SCHIP1: variants seen among roughly 807,000 people sequenced by gnomAD.
The protein encoded by SCHIP1 is schwannomin interacting protein 1.
A neutral mutation model predicts 29.7 loss-of-function variants in SCHIP1; 8 were observed. The observed-to-expected ratio is 0.27, with a 90% CI of 0.16 to 0.49. The LOEUF (loss-of-function observed/expected upper bound fraction) is 0.49, where lower values mean the gene tolerates loss of function less well. Among genes scored for constraint, SCHIP1 ranks in the 20% least tolerant of loss-of-function variants. The pLI is 0.99. For missense variants in SCHIP1, 193 were observed against 294.6 expected (o/e 0.66, Z 2.52); for synonymous variants, 76 against 94.9 (o/e 0.80, Z 1.16).
the SCHIP1 span, among the ~76,000 whole-genome samples, chr3:159,342,024 G>T: frequency 6.6e-6 from 1 of 152,178 alleles, no homozygotes; most frequent in African/African-American, 2.4e-5. Flanking sequence ...TCTATTGGGA[G>T]TACATGAGTG....
At chr3:159,775,017 C>T in the SCHIP1 span, among the ~76,000 whole-genome samples, 6 of 152,024 alleles carry the variant, frequency 3.9e-5, no homozygotes, top group Non-Finnish European at 2.9e-5. Context: ...AGTGACTGTG[C>T]ATCTTTCTTC....
chr3:159,347,686 T>A, the SCHIP1 span, among the ~76,000 whole-genome samples: 1 of 152,188 alleles, frequency 6.6e-6, no homozygotes, highest in Non-Finnish European at 1.5e-5. Context: ...CTCCAGGTTT[T>A]TTGGACCTCT....
the SCHIP1 span, among the ~76,000 whole-genome samples, chr3:159,416,539 A>G: frequency 6.6e-6 from 1 of 152,178 alleles, no homozygotes; most frequent in South Asian, 2.1e-4. Context: ...TTTGTTGTTC[A>G]TACTTTCTTG....
the SCHIP1 span, among the ~76,000 whole-genome samples, chr3:159,760,977 G>A: frequency 4.1e-4 from 62 of 152,334 alleles, no homozygotes; most frequent in Middle Eastern, 3.4e-3. Context: ...AATGTCACCC[G>A]ACCCAGTAAG....
At chr3:159,287,605 G>A in the SCHIP1 span, among the ~76,000 whole-genome samples, 3 of 151,856 alleles carry the variant, frequency 2.0e-5, no homozygotes, top group African/African-American at 4.8e-5. Context: ...AATTTATACC[G>A]CATTGCTATA....
chr3:159,515,978 G>A, the SCHIP1 span, among the ~76,000 whole-genome samples: 1 of 150,952 alleles, frequency 6.6e-6, no homozygotes, highest in Non-Finnish European at 1.5e-5. Context: ...CAAGCAAGGG[G>A]GAGATAAAGA....
the SCHIP1 span, among the ~76,000 whole-genome samples, chr3:159,755,635 C>T: frequency 3.4e-3 from 519 of 152,334 alleles, 5 homozygotes; most frequent in African/African-American, 0.012. Context: ...CCCCCAAAGT[C>T]TCAACTCATT....
chr3:159,443,246 A>T, the SCHIP1 span, among the ~76,000 whole-genome samples: 1 of 152,172 alleles, frequency 6.6e-6, no homozygotes, highest in Non-Finnish European at 1.5e-5. Flanking sequence ...GAGGAACATA[A>T]ATCTTTCTGA....
At chr3:159,581,682 C>A in the SCHIP1 span, among the ~76,000 whole-genome samples, 1 of 152,118 alleles carries the variant, frequency 6.6e-6, no homozygotes, top group African/African-American at 2.4e-5. Flanking sequence ...ACTCAAATAT[C>A]TAAAACCATT....
At chr3:159,329,459 G>A in the SCHIP1 span, among the ~76,000 whole-genome samples, 2 of 152,236 alleles carry the variant, frequency 1.3e-5, no homozygotes, top group Admixed American at 6.5e-5. Flanking sequence ...GGGGCCTATA[G>A]GTAACCACCC....
the SCHIP1 span, among the ~76,000 whole-genome samples, chr3:159,828,463 G>A: frequency 0.046 from 5,743 of 125,032 alleles, 878 homozygotes; most frequent in African/African-American, 0.18. Flanking sequence ...GTATATATAT[G>A]TATATATACA....
chr3:159,741,822 G>A, the SCHIP1 span, among the ~76,000 whole-genome samples: 4 of 152,198 alleles, frequency 2.6e-5, no homozygotes, highest in Admixed American at 2.0e-4. Context: ...GATTTGAGGG[G>A]ACTGAGATAG....
At chr3:159,894,991 C>T (rs1717916084) in intron 6 of SCHIP1, among the ~76,000 whole-genome samples, 1 of 152,070 alleles carries the variant, frequency 6.6e-6, no homozygotes. Flanking sequence ...TGTGCATGAG[C>T]ATGTACATAG....
At chr3:159,474,842 C>A in the SCHIP1 span, among the ~76,000 whole-genome samples, 1 of 152,148 alleles carries the variant, frequency 6.6e-6, no homozygotes, top group African/African-American at 2.4e-5. Context: ...CTGTATCCAT[C>A]CTTGGATGTT....
At chr3:159,726,247 T>C in the SCHIP1 span, among the ~76,000 whole-genome samples, 1 of 152,188 alleles carries the variant, frequency 6.6e-6, no homozygotes. Flanking sequence ...AAATCAACTG[T>C]TAGTAGGACG....
chr3:159,722,674 AT>A, the SCHIP1 span, among the ~76,000 whole-genome samples: 1 of 152,100 alleles, frequency 6.6e-6, no homozygotes, highest in African/African-American at 2.4e-5. Flanking sequence ...TATGCATATC[AT>A]TTTTTCAAGT....
Position 159,889,020 on chromosome 3 carries a change from T to G in SCHIP1, c.589+77T>G, listed in dbSNP as rs182564528. On this transcript the variant is annotated intron_variant, in intron 5 of 6. Transcript: ENST00000445224. ...GATAATGCTGCTTCCTTGGTCCAAC[T>G]TTTTCATACAACATTTCATTGGGTT... is the stretch of plus-strand genomic sequence containing the variant. The G allele has an allele frequency of 1.3e-5, 19 of 1,502,470 alleles. No homozygotes were observed. In the South Asian group the frequency reaches 2.3e-4, roughly 18 times the overall value. The allele number at this position is 1,502,470 out of a possible 1,614,324, so 93.1% of individuals were successfully genotyped here.
At chr3:159,312,213 G>T in the SCHIP1 span, among the ~76,000 whole-genome samples, 3 of 152,202 alleles carry the variant, frequency 2.0e-5, no homozygotes, top group East Asian at 5.8e-4. Context: ...AGCTAGGGTA[G>T]GCTAGCTGCT....
At chr3:159,668,412 A>G in the SCHIP1 span, among the ~76,000 whole-genome samples, 1 of 150,502 alleles carries the variant, frequency 6.6e-6, no homozygotes, top group Admixed American at 6.6e-5. Context: ...AGTCCCATGA[A>G]GGACTTGAGT....
Sources: allele counts gnomAD v4.1 joint callset (sites outside exome capture counted in the v4.1 genomes callset), GRCh38; gene constraint gnomAD v4.1.1; transcripts MANE v1.5; gene names NCBI Gene and HGNC (gene_info 2026-07-23, HGNC 2026-07-21).